The following PCDHGA2 variants were observed in gnomAD, a reference collection of about 807,000 sequenced individuals.
The protein encoded by PCDHGA2 is protocadherin gamma subfamily A, 2.
Under a neutral mutation model 59.2 loss-of-function variants are expected in PCDHGA2, and 40 were observed. The observed-to-expected ratio is 0.68, with a 90% CI of 0.52 to 0.88. The LOEUF (loss-of-function observed/expected upper bound fraction) is 0.88, where lower values mean the gene tolerates loss of function less well. Among genes scored for constraint, PCDHGA2 ranks in the 40% least tolerant of loss-of-function variants. PCDHGA2 has a pLI of 0.00. For synonymous variants in PCDHGA2, 560 were observed against 526.0 expected (o/e 1.06, Z -0.89); for missense variants, 1,226 against 1,204.0 (o/e 1.02, Z -0.27).
intron 1 of PCDHGA2, chr5:141,371,990 G>A (rs1768271150): frequency 6.2e-7 from 1 of 1,613,140 alleles, no homozygotes; most frequent in Admixed American, 1.7e-5. Flanking sequence ...AGCTCACTCT[G>A]CAGGCCCGCG....
At chr5:141,389,160 G>C in intron 1 of PCDHGA2, 4 of 1,613,996 alleles carry the variant, frequency 2.5e-6, no homozygotes, top group Non-Finnish European at 3.4e-6. Flanking sequence ...AACAGATCGG[G>C]GCAAGCCTCC....
Position 141,499,029 on chromosome 5 carries a change from A to AAGGAAGG in PCDHGA2, c.2483+4165_2483+4166insGGAAGGA, listed in dbSNP as rs1562187768. Among the ~76,000 whole-genome samples, 348 of 140,068 alleles carry AAGGAAGG rather than the reference A, an allele frequency of 2.5e-3. 2 individuals carry two copies. The highest frequency in any genetic ancestry group is 9.3e-3 in the African/African-American group (335 of 36,066). The allele number at this position is 140,068 out of a possible 152,430, so 91.9% of individuals were successfully genotyped here. ...GGAAGGAAGGAAGGAAGGAAGGAAG[A>AAGGAAGG]AAAGAAAGAAAAAGGGAGAAAAAAT... is the stretch of plus-strand genomic sequence containing the variant. On this transcript the variant is annotated intron_variant, in intron 2 of 3. Transcript: ENST00000394576.
At chr5:141,398,014 C>T in intron 1 of PCDHGA2, 1 of 1,420,276 alleles carries the variant, frequency 7.0e-7, no homozygotes, top group South Asian at 1.5e-5. Context: ...AGAATCGTTT[C>T]CTAAACTGGA....
chr5:141,431,150 CCTTA>C lies in PCDHGA2; in HGVS notation c.2425-63653_2425-63650del, dbSNP rs1302288904. ...AGTAAGGGACATTAACGACAATGCG[CCTTA>C]CTTTCGTGAAAGTGAATTAGAAATA... On this transcript the variant is annotated intron_variant, in intron 1 of 3. Coordinates refer to ENST00000394576, the MANE Select transcript of PCDHGA2 (RefSeq NM_018915.4). The surrounding 1 kb of genome is among the most constrained non-coding windows in gnomAD (Gnocchi z 4.8). 3 of 1,614,226 alleles carry C rather than the reference CCTTA, an allele frequency of 1.9e-6. No individual in the cohort carries two copies. The highest frequency in any genetic ancestry group is 2.2e-5 in the East Asian group (1 of 44,876).
At position 141,489,870 on chromosome 5, in the gene PCDHGA2, G is replaced by T; in HGVS notation, c.2425-4937G>T. On this transcript the variant is annotated intron_variant, in intron 1 of 3. Transcript: ENST00000394576. The surrounding 1 kb of genome is among the most constrained non-coding windows in gnomAD (Gnocchi z 4.5). ...GTGAAGCCCAGGCAAGACATCAGCT[G>T]GTGCTTACTGCTGTGGATGGGGGGA... 1.2e-6 allele frequency: 2 copies of T among 1,614,220 alleles called. No individual in the cohort carries two copies. The highest frequency in any genetic ancestry group is 1.7e-6 in the Non-Finnish European group (2 of 1,180,024).
At chr5:141,450,815 A>ATAT (rs1420984335) in intron 1 of PCDHGA2, among the ~76,000 whole-genome samples, 2,245 of 126,710 alleles carry the variant, frequency 0.018, 73 homozygotes, top group African/African-American at 0.063. Flanking sequence ...TATTTATTTA[A>ATAT]TATTATTATT....
intron 1 of PCDHGA2, chr5:141,415,974 CAA>C (rs1192315813): frequency 2.7e-6 from 1 of 375,644 alleles, no homozygotes; most frequent in Non-Finnish European, 4.4e-6. Context: ...GCCCCTTAAG[CAA>C]CCCTCTTGTT....
In PCDHGA2 at chr5:141,489,189, C is replaced by A; in HGVS notation, c.2425-5618C>A. 1 of 1,341,534 alleles carries A rather than the reference C, an allele frequency of 7.5e-7. No homozygotes were observed. The highest frequency in any genetic ancestry group is 1.0e-6 in the Non-Finnish European group (1 of 975,280). 83.1% of individuals were successfully genotyped at this position (1,341,534 alleles called of 1,614,324 possible). A position where few individuals can be genotyped will look rare whatever the true frequency, so the allele number is the denominator to read the frequency against. On this transcript the variant is annotated intron_variant, in intron 1 of 3. Transcript: ENST00000394576. This position sits in a 1 kb window ranked among gnomAD's most constrained non-coding sequence, Gnocchi z 4.5. ...TGCTGCATTCCAAGCCCTGGGTCTA[C>A]CTTGGAGACAGGACAGCACAGACTT...
chr5:141,424,880 C>G (rs2096845847), intron 1 of PCDHGA2, among the ~76,000 whole-genome samples: 1 of 152,162 alleles, frequency 6.6e-6, no homozygotes, highest in Admixed American at 6.5e-5. Context: ...GGAAAGGAGA[C>G]TTATCTAGGG....
chr5:141,371,370 C>T, intron 1 of PCDHGA2: 1 of 1,613,934 alleles, frequency 6.2e-7, no homozygotes, highest in Non-Finnish European at 8.5e-7. Flanking sequence ...GGATGGTGGA[C>T]ATCACACTGC....
intron 1 of PCDHGA2, chr5:141,478,028 G>A (rs2099428840): frequency 6.2e-7 from 1 of 1,614,060 alleles, no homozygotes; most frequent in South Asian, 1.1e-5. Flanking sequence ...CCAAGACACA[G>A]ATTCACCCAG....
intron 1 of PCDHGA2, chr5:141,384,037 G>T (rs759701397): frequency 6.2e-7 from 1 of 1,613,004 alleles, no homozygotes; most frequent in Admixed American, 1.7e-5. Context: ...TGGAAAGAAT[G>T]GTGAGGTGAC....
chr5:141,431,333 C>T lies in PCDHGA2; in HGVS notation c.2425-63474C>T. 1 of 1,614,058 alleles carries T rather than the reference C, an allele frequency of 6.2e-7. No individual in the cohort carries two copies. Among genetic ancestry groups the T allele is most frequent in the Non-Finnish European group, 8.5e-7 (1 of 1,180,030 alleles). On this transcript the variant is annotated intron_variant, in intron 1 of 3. Coordinates refer to ENST00000394576, the MANE Select transcript of PCDHGA2 (RefSeq NM_018915.4). The surrounding 1 kb of genome is among the most constrained non-coding windows in gnomAD (Gnocchi z 4.8). ...AAATGGAGCCGACGGTAGTAAGTAC[C>T]CCGAATTGGTGCTGAAACGCGCCCT...
intron 1 of PCDHGA2, chr5:141,389,046 G>A: frequency 1.9e-6 from 3 of 1,613,888 alleles, no homozygotes; most frequent in African/African-American, 1.3e-5. Context: ...GGAAGGTGAT[G>A]TTCCATTTAA....
intron 1 of PCDHGA2, among the ~76,000 whole-genome samples, chr5:141,472,718 G>A (rs980710833): frequency 1.3e-5 from 2 of 152,002 alleles, no homozygotes; most frequent in Non-Finnish European, 2.9e-5. Context: ...AGGCGCTGTG[G>A]CTCACACCTG....
At chr5:141,438,362 T>C (rs1471364176) in intron 1 of PCDHGA2, among the ~76,000 whole-genome samples, 1 of 151,850 alleles carries the variant, frequency 6.6e-6, no homozygotes, top group East Asian at 1.9e-4. Flanking sequence ...TGTATTGTCA[T>C]TGAGGGCAGA....
chr5:141,491,233 G>T lies in PCDHGA2; in HGVS notation c.2425-3574G>T. 1 of 1,614,224 alleles carries T rather than the reference G, an allele frequency of 6.2e-7. No homozygotes were observed. The highest frequency in any genetic ancestry group is 2.2e-5 in the East Asian group (1 of 44,890). On this transcript the variant is annotated intron_variant, in intron 1 of 3. Transcript: ENST00000394576. The surrounding 1 kb of genome is among the most constrained non-coding windows in gnomAD (Gnocchi z 6.9). ...CTCCTCCACAGCCACAGTGCTGCTG[G>T]TTCTGGAGGATGAGGACCCTGAGGA...
chr5:141,389,705 G>A (rs770533850), intron 1 of PCDHGA2: 2 of 1,612,552 alleles, frequency 1.2e-6, no homozygotes, highest in Admixed American at 3.3e-5. Context: ...ACCACGTGCT[G>A]CAGGCTAGCG....
At chr5:141,421,303 G>A (rs1456288695) in intron 1 of PCDHGA2, 1 of 1,613,660 alleles carries the variant, frequency 6.2e-7, no homozygotes, top group Non-Finnish European at 8.5e-7. Flanking sequence ...GACGCTGCGG[G>A]GGTTCCGGGC....
Sources: allele counts gnomAD v4.1 joint callset (sites outside exome capture counted in the v4.1 genomes callset), GRCh38; gene constraint gnomAD v4.1.1; non-coding constraint Gnocchi (gnomAD v3.1); transcripts MANE v1.5; gene names NCBI Gene and HGNC (gene_info 2026-07-23, HGNC 2026-07-21).